APBA1: variants seen among roughly 807,000 people sequenced by gnomAD.
APBA1 encodes the protein amyloid beta precursor protein binding family A member 1.
Under a neutral mutation model 86.6 loss-of-function variants are expected in APBA1, and 55 were observed. That is an observed-to-expected ratio of 0.64 (90% CI 0.51 to 0.80). APBA1 has a LOEUF of 0.80. APBA1 is among the 30% of genes least tolerant of loss of function. APBA1 has a pLI of 0.00. For synonymous variants in APBA1, 511 were observed against 493.9 expected (o/e 1.03, Z -0.46); for missense variants, 1,090 against 1,183.0 (o/e 0.92, Z 1.15).
chr9:69,539,272 A>T (rs545445314), intron 1 of APBA1, among the ~76,000 whole-genome samples: 1 of 152,338 alleles, frequency 6.6e-6, no homozygotes, highest in East Asian at 1.9e-4. Flanking sequence ...GTGCCTCCTT[A>T]ATACTTCACC....
At chr9:69,569,448 AGTGTGT>A (rs71507121) in intron 1 of APBA1, among the ~76,000 whole-genome samples, 65,901 of 144,736 alleles carry the variant, frequency 0.46, 15,114 homozygotes, top group East Asian at 0.58. Flanking sequence ...GTCACGTGTG[AGTGTGT>A]GTGTGTGTGT....
intron 1 of APBA1, among the ~76,000 whole-genome samples, chr9:69,649,695 C>T (rs987506458): frequency 6.6e-6 from 1 of 152,190 alleles, no homozygotes; most frequent in African/African-American, 2.4e-5. Flanking sequence ...GTAGAATGCA[C>T]AGCACTCACA....
intron 11 of APBA1, among the ~76,000 whole-genome samples, chr9:69,435,377 TC>T (rs1351457518): frequency 6.6e-6 from 1 of 152,052 alleles, no homozygotes; most frequent in African/African-American, 2.4e-5. Flanking sequence ...CACACTGACT[TC>T]CACAATGGTT....
rs57033911 is a variant in APBA1 at position 69,501,629 on chromosome 9, A to AACAC, written c.1200+14378_1200+14381dup. ...ACATAACAAGACTCTGTCTCTACAA[A>AACAC]ACACACACACACACACACACACACA... is the stretch of plus-strand genomic sequence containing the variant. On this transcript the variant is annotated intron_variant, in intron 2 of 12. Coordinates refer to ENST00000265381, the MANE Select transcript of APBA1 (RefSeq NM_001163.4). Among the ~76,000 whole-genome samples the AACAC allele has an allele frequency of 2.8e-3, 394 of 142,174 alleles. 1 individual carries two copies. The highest frequency in any genetic ancestry group is 5.6e-3 in the African/African-American group (213 of 37,852). The allele number at this position is 142,174 out of a possible 152,430, so 93.3% of individuals were successfully genotyped here.
In APBA1 at chr9:69,537,363, C is replaced by T. The variant is rs539772128; in HGVS notation, c.-69-20084G>A. The stretch of plus-strand genomic sequence containing the variant: ...TTCACCTCTGCACTAAGTAGATGAT[C>T]CCACCTTTTCACTGGGACAGCTGTC... On this transcript the variant is annotated intron_variant, in intron 1 of 12. Transcript: ENST00000265381. 1.7e-3 allele frequency among the ~76,000 whole-genome samples: 259 copies of T among 152,134 alleles called. 2 individuals are homozygous for T. The highest frequency in any genetic ancestry group is 7.3e-3 in the South Asian group (35 of 4,806).
chr9:69,514,406 C>A (rs1836100061), intron 2 of APBA1, among the ~76,000 whole-genome samples: 1 of 152,094 alleles, frequency 6.6e-6, no homozygotes, highest in African/African-American at 2.4e-5. Context: ...GCCTAGCCAA[C>A]ATGGTGAAAC....
chr9:69,665,665 G>A (rs1823829042), intron 1 of APBA1, among the ~76,000 whole-genome samples: 1 of 152,178 alleles, frequency 6.6e-6, no homozygotes, highest in Non-Finnish European at 1.5e-5. Context: ...ATGAAACAAG[G>A]AAGAAGAAAA....
chr9:69,567,835 A>G (rs1005295401), intron 1 of APBA1, among the ~76,000 whole-genome samples: 4 of 151,842 alleles, frequency 2.6e-5, no homozygotes, highest in Non-Finnish European at 5.9e-5. Flanking sequence ...CCCACCCTCC[A>G]CCTTGAGCAT....
chr9:69,583,601 A>C (rs1027757195), intron 1 of APBA1, among the ~76,000 whole-genome samples: 6 of 152,262 alleles, frequency 3.9e-5, no homozygotes, highest in African/African-American at 1.2e-4. Context: ...ATTATCCAGC[A>C]AATGAATGGG....
chr9:69,563,358 G>C (rs1836976640), intron 1 of APBA1, among the ~76,000 whole-genome samples: 1 of 152,124 alleles, frequency 6.6e-6, no homozygotes, highest in Non-Finnish European at 1.5e-5. Context: ...CAGCAACAGA[G>C]ATATCTTCAA....
chr9:69,579,413 C>T (rs1253166725), intron 1 of APBA1, among the ~76,000 whole-genome samples: 1 of 152,152 alleles, frequency 6.6e-6, no homozygotes, highest in African/African-American at 2.4e-5. Flanking sequence ...CGGACTTTAA[C>T]TATAGGAGGA....
intron 1 of APBA1, among the ~76,000 whole-genome samples, chr9:69,657,226 A>C (rs1823631084): frequency 6.6e-6 from 1 of 152,242 alleles, no homozygotes; most frequent in Admixed American, 6.5e-5. Context: ...GGTAGAAAGA[A>C]GCTGTAAGAG....
At chr9:69,501,448 T>G (rs575464095) in intron 2 of APBA1, among the ~76,000 whole-genome samples, 17 of 152,156 alleles carry the variant, frequency 1.1e-4, no homozygotes, top group Admixed American at 2.6e-4. Context: ...CTATGATATA[T>G]CTGTTCCTCT....
At chr9:69,524,452 C>T (rs1005644339) in intron 1 of APBA1, among the ~76,000 whole-genome samples, 8 of 151,990 alleles carry the variant, frequency 5.3e-5, no homozygotes, top group African/African-American at 7.2e-5. Flanking sequence ...ATTATGAACA[C>T]CTCTATACAC....
At chr9:69,459,604 A>G (rs1012863948) in intron 5 of APBA1, among the ~76,000 whole-genome samples, 7 of 152,232 alleles carry the variant, frequency 4.6e-5, no homozygotes, top group African/African-American at 1.7e-4. Flanking sequence ...AAATGGATGT[A>G]CCATTCTCCC....
rs145827039 is a variant in APBA1 at position 69,664,608 on chromosome 9, T to G, written c.-70+7545A>C. On this transcript the variant is annotated intron_variant, in intron 1 of 12. Transcript: ENST00000265381. ...ATGTCATATTTCTAAATTAATAATT[T>G]TATATAATGTGACTTCAATTATATG... Among the ~76,000 whole-genome samples, 531 of 152,316 alleles carry G rather than the reference T, an allele frequency of 3.5e-3. 1 individual carries two copies. The highest frequency in any genetic ancestry group is 0.011 in the African/African-American group (463 of 41,576).
At chr9:69,511,510 T>G (rs1425006405) in intron 2 of APBA1, among the ~76,000 whole-genome samples, 1 of 152,018 alleles carries the variant, frequency 6.6e-6, no homozygotes. Context: ...TGGAAGTCAG[T>G]GTGGCGATTC....
chr9:69,592,800 T>C lies in APBA1; in HGVS notation c.-69-75521A>G, dbSNP rs145153306. Among the ~76,000 whole-genome samples, 12 of 152,278 alleles carry C rather than the reference T, an allele frequency of 7.9e-5. No individual in the cohort carries two copies. In the East Asian group the frequency reaches 2.1e-3, roughly 27 times the overall value. On this transcript the variant is annotated intron_variant, in intron 1 of 12. Transcript: ENST00000265381. ...CTCTGAGTCAACTAAACCTCTTTTC[T>C]TTATTAAAACAAACAAACAAAAAAA...
intron 1 of APBA1, among the ~76,000 whole-genome samples, chr9:69,558,394 T>C (rs934056741): frequency 2.0e-5 from 3 of 152,004 alleles, no homozygotes; most frequent in Non-Finnish European, 4.4e-5. Context: ...CTATGTCTTT[T>C]CTATGCTCCT....
Sources: gnomAD v4.1 joint callset for allele counts (sites outside exome capture counted in the v4.1 genomes callset) on GRCh38, gnomAD v4.1.1 for gene constraint, MANE v1.5 for transcripts, NCBI Gene and HGNC (gene_info 2026-07-23, HGNC 2026-07-21) for gene names.